Variants in LTBP3 observed in about 807,000 individuals in gnomAD.
LTBP3 encodes the protein latent transforming growth factor beta binding protein 3, also known as latent-transforming growth factor beta-binding protein 3.
LTBP3 carries 97 observed loss-of-function variants against 159.7 expected under a neutral mutation model. The ratio of observed to expected loss-of-function variants is 0.61; its 90% confidence interval spans 0.52 to 0.72. The LOEUF is 0.72. LTBP3 is among the 30% of genes least tolerant of loss of function. The pLI is 0.00. For missense variants in LTBP3, 1,584 were observed against 1,864.3 expected (o/e 0.85, Z 2.77); for synonymous variants, 824 against 777.1 (o/e 1.06, Z -1.00).
In LTBP3 at chr11:65,540,114, C is replaced by T; in HGVS notation, c.3284G>A (p.Gly1095Asp). Residue 1095 changes from glycine to aspartate, a missense_variant, in exon 24 of 28, where the codon GGC (glycine) becomes GAC (aspartate). Transcript: ENST00000301873. ...ECQDPAACRP[G>D]RCVNLPGSYR... ...GGAGCCCGGCAGGTTGACGCAGCGG[C>T]CAGGGCGGCAGGCTGCCGGGTCCTG... The T allele has an allele frequency of 6.5e-7, 1 of 1,526,900 alleles. No individual in the cohort carries two copies. Among genetic ancestry groups the T allele is most frequent in the Non-Finnish European group, 8.8e-7 (1 of 1,140,522 alleles). The allele number at this position is 1,526,900 out of a possible 1,614,324, so 94.6% of individuals were successfully genotyped here.
At position 65,554,198 on chromosome 11, in the gene LTBP3, G is replaced by A; in HGVS notation, c.514C>T (p.Leu172=). Residue 172 remains leucine, a synonymous_variant, in exon 2 of 28, where the codon CTG becomes TTG. Coordinates refer to ENST00000301873, the MANE Select transcript of LTBP3 (RefSeq NM_001130144.3). The surrounding 1 kb of genome is among the most constrained non-coding windows in gnomAD (Gnocchi z 5.3). ...GCCACAGAGTCGCCCTCCGGAGCCA[G>A]GGGCGGCAGCGCCCCTGTGGACAGG... ...GALSTGALPP[L]APEGDSVASK... 6.2e-7 allele frequency: 1 copy of A among 1,611,202 alleles called. No homozygotes were observed. The highest frequency in any genetic ancestry group is 1.3e-5 in the African/African-American group (1 of 74,964).
rs528535387 is a variant in LTBP3, at chr11:65,543,027, G to A, written c.2596+78C>T. 855 of 1,587,766 alleles carry A rather than the reference G, an allele frequency of 5.4e-4. 2 individuals are homozygous for A. The highest frequency in any genetic ancestry group is 4.4e-3 in the Middle Eastern group (24 of 5,504). On this transcript the variant is annotated intron_variant, in intron 18 of 27. Transcript: ENST00000301873. ...TGGTTGGATGGGTGGATGGATGGAT[G>A]GAGAAAGGCCACAGTGTGTCTAGGG...
Position 65,546,422 on chromosome 11 carries a change from G to A in LTBP3, c.2353+20C>T. ...GCGTAGGGGGCGGCGGAGGCCCGGG[G>A]CGGGGGTGCTGGCGCTCACCCAAGC... On this transcript the variant is annotated intron_variant, in intron 16 of 27. Coordinates refer to ENST00000301873, the MANE Select transcript of LTBP3 (RefSeq NM_001130144.3). This position sits in a 1 kb window ranked among gnomAD's most constrained non-coding sequence, Gnocchi z 4.0. The A allele has an allele frequency of 6.5e-7, 1 of 1,531,514 alleles. No homozygotes were observed. The highest frequency in any genetic ancestry group is 1.2e-5 in the South Asian group (1 of 83,084). The allele number at this position is 1,531,514 out of a possible 1,614,324, so 94.9% of individuals were successfully genotyped here. A position where few individuals can be genotyped will look rare whatever the true frequency, so the allele number is the denominator to read the frequency against.
chr11:65,540,751 G>T, intron 21 of LTBP3, 120 bp downstream of exon 21: 2 of 1,059,522 alleles, frequency 1.9e-6, no homozygotes, highest in Non-Finnish European at 2.6e-6. Flanking sequence ...GGGCCTGCGA[G>T]GAAGGTGCGG....
chr11:65,549,593 G>GTTTTTTTTTTTTTTTTTT (rs1565097219), intron 11 of LTBP3, among the ~76,000 whole-genome samples: 1 of 109,890 alleles, frequency 9.1e-6, no homozygotes, highest in African/African-American at 3.6e-5. Flanking sequence ...TTTTTTTTTG[G>GTTTTTTTTTTTTTTTTTT]ATTTTTAGTA....
At position 65,553,532 on chromosome 11, in the gene LTBP3, T is replaced by C; in HGVS notation, c.865-2A>G. 1 of 1,589,570 alleles carries C rather than the reference T, an allele frequency of 6.3e-7. No individual in the cohort carries two copies. The highest frequency in any genetic ancestry group is 8.6e-7 in the Non-Finnish European group (1 of 1,160,718). ...GCCGGGGAGGGGGTTGCTGCCACACTAGGGGAAGGAGGGGGAGGTGGGGTC... is the reference window on the plus strand; with the variant it reads ...GCCGGGGAGGGGGTTGCTGCCACACCAGGGGAAGGAGGGGGAGGTGGGGTC... On this transcript the variant is annotated splice_acceptor_variant, in intron 3 of 27. Transcript: ENST00000301873. LOFTEE classifies it high-confidence loss of function. This position sits in a 1 kb window ranked among gnomAD's most constrained non-coding sequence, Gnocchi z 6.5.
At position 65,547,584 on chromosome 11, in the gene LTBP3, G is replaced by C. The variant is rs772296621; in HGVS notation, c.1979-17C>G. ...CGTTCAGGTCTGTGCGGGAGGAAGGGGCCACGAAGGGGGTGTAGGAGGCGG... is the reference window on the plus strand; with the variant it reads ...CGTTCAGGTCTGTGCGGGAGGAAGGCGCCACGAAGGGGGTGTAGGAGGCGG... On this transcript the variant is annotated splice_polypyrimidine_tract_variant and intron_variant, in intron 13 of 27. Coordinates refer to ENST00000301873, the MANE Select transcript of LTBP3 (RefSeq NM_001130144.3). The surrounding 1 kb of genome is among the most constrained non-coding windows in gnomAD (Gnocchi z 4.6). The C allele has an allele frequency of 1.9e-6, 3 of 1,613,176 alleles. No homozygotes were observed. The highest frequency in any genetic ancestry group is 2.5e-6 in the Non-Finnish European group (3 of 1,179,422).
intron 21 of LTBP3, 118 bp from the exon 22 acceptor site, chr11:65,540,732 T>TACAGGAGGGGCGGGGCCC: frequency 6.6e-7 from 1 of 1,515,000 alleles, no homozygotes; most frequent in Admixed American, 1.7e-5. Flanking sequence ...GGGCGGGGCC[T>TACAGGAGGGGCGGGGCCC]ACAGGGCGGG....
chr11:65,539,518 C>G (rs1471583801), intron 26 of LTBP3, 30 bp downstream of exon 26: 1 of 1,606,262 alleles, frequency 6.2e-7, no homozygotes, highest in Non-Finnish European at 8.5e-7. Flanking sequence ...GGCTACCAAC[C>G]CCGCCACCGC....
At position 65,545,958 on chromosome 11, in the gene LTBP3, TCTC is replaced by T. The variant is rs1029166414; in HGVS notation, c.2353+481_2353+483del. ...ACCCCTGTGCCTGCCATGCTGTTCCTCTCCTCCTTTCTTGCCCAATTCCTAGTG... is the reference window on the plus strand; with the variant it reads ...ACCCCTGTGCCTGCCATGCTGTTCCTCTCCTTTCTTGCCCAATTCCTAGTG... On this transcript the variant is annotated intron_variant, in intron 16 of 27. Transcript: ENST00000301873. Among the ~76,000 whole-genome samples, 9 of 152,124 alleles carry T rather than the reference TCTC, an allele frequency of 5.9e-5. No individual in the cohort carries two copies. The South Asian group carries it at 1.7e-3, about 28-fold the overall frequency.
At chr11:65,555,406 G>A (rs1395135007) in intron 1 of LTBP3, among the ~76,000 whole-genome samples, 2 of 151,798 alleles carry the variant, frequency 1.3e-5, no homozygotes, top group African/African-American at 2.4e-5. Context: ...CCACAACAGG[G>A]CCCCAGGTCC....
Position 65,547,678 on chromosome 11 carries a change from G to C in LTBP3, c.1978+12C>G. The C allele has an allele frequency of 6.2e-7, 1 of 1,605,598 alleles. No homozygotes were observed. The highest frequency in any genetic ancestry group is 8.5e-7 in the Non-Finnish European group (1 of 1,177,676). ...TCCCACCCAGGGCCGCCTCCGCCCT[G>C]GCGGCGCTCACCCACGCACGAGCGC... On this transcript the variant is annotated intron_variant, in intron 13 of 27. Transcript: ENST00000301873. This position sits in a 1 kb window ranked among gnomAD's most constrained non-coding sequence, Gnocchi z 4.6.
Position 65,547,332 on chromosome 11 carries a change from A to G in LTBP3, c.2107+107T>C. The stretch of plus-strand genomic sequence containing the variant: ...GCACTCCAGCCTGGGCGACAGAGTG[A>G]GACTCCGTCTCGGGGGAAAAAAAAA... On this transcript the variant is annotated intron_variant, in intron 14 of 27. Transcript: ENST00000301873. The surrounding 1 kb of genome is among the most constrained non-coding windows in gnomAD (Gnocchi z 4.6). 7.5e-7 allele frequency: 1 copy of G among 1,326,100 alleles called. No homozygotes were observed. Among genetic ancestry groups the G allele is most frequent in the South Asian group, 1.2e-5 (1 of 80,974 alleles). The allele number at this position is 1,326,100 out of a possible 1,614,324, so 82.1% of individuals were successfully genotyped here. A position where few individuals can be genotyped will look rare whatever the true frequency, so the allele number is the denominator to read the frequency against.
At position 65,552,853 on chromosome 11, in the gene LTBP3, G is replaced by T. The variant is rs1289008411; in HGVS notation, c.1186+7C>A. 1 of 1,614,008 alleles carries T rather than the reference G, an allele frequency of 6.2e-7. No homozygotes were observed. Among genetic ancestry groups the T allele is most frequent in the Non-Finnish European group, 8.5e-7 (1 of 1,180,008 alleles). The stretch of plus-strand genomic sequence containing the variant: ...GACCTCCCAGGAACCTGAGCCCCAG[G>T]TCTCACCAATGCACTGTGTACGGGA... On this transcript the variant is annotated splice_region_variant and intron_variant, in intron 6 of 27. Transcript: ENST00000301873. The surrounding 1 kb of genome is among the most constrained non-coding windows in gnomAD (Gnocchi z 6.0).
Position 65,553,880 on chromosome 11 carries a change from T to A in LTBP3, c.685A>T (p.Asn229Tyr). 6.5e-7 allele frequency: 1 copy of A among 1,549,828 alleles called. No homozygotes were observed. Among genetic ancestry groups the A allele is most frequent in the Non-Finnish European group, 8.7e-7 (1 of 1,153,278 alleles). Residue 229 changes from asparagine to tyrosine, a missense_variant, in exon 3 of 28, where the codon AAT becomes TAT. Coordinates refer to ENST00000301873, the MANE Select transcript of LTBP3 (RefSeq NM_001130144.3). This position sits in a 1 kb window ranked among gnomAD's most constrained non-coding sequence, Gnocchi z 6.5. ...AEVQAPPPVV[N>Y]VRVHHPPEAS... ...TCGGGCGGGTGATGGACGCGCACAT[T>A]CACCACGGGGGGCGGGGCCTGCACT...
rs778900036 is a variant in LTBP3 at position 65,546,569 on chromosome 11, G to T, written c.2231-5C>A. ...CCTCGGCGCACTCGTTCACGTCTGC[G>T]GCGGAAAGACCTAGCCTCGGACTCT... On this transcript the variant is annotated splice_region_variant and splice_polypyrimidine_tract_variant and intron_variant, in intron 15 of 27. Transcript: ENST00000301873. This position sits in a 1 kb window ranked among gnomAD's most constrained non-coding sequence, Gnocchi z 4.0. The T allele has an allele frequency of 1.1e-5, 17 of 1,601,872 alleles. No homozygotes were observed. The East Asian group carries it at 3.8e-4, about 36-fold the overall frequency.
chr11:65,555,576 G>A (rs974976776), intron 1 of LTBP3, among the ~76,000 whole-genome samples: 9 of 152,184 alleles, frequency 5.9e-5, no homozygotes, highest in African/African-American at 1.9e-4. Flanking sequence ...TTGTCTGTCT[G>A]CCTCCTTATA....
rs1856045790 is a variant in LTBP3, at chr11:65,540,349, C to T, written c.3140G>A (p.Arg1047Gln). 1.9e-6 allele frequency: 3 copies of T among 1,588,918 alleles called. No homozygotes were observed. Among genetic ancestry groups the T allele is most frequent in the South Asian group, 1.1e-5 (1 of 87,806 alleles). The change falls in exon 23 of 28, where the codon CGG becomes CAG. Residue 1047 changes from arginine to glutamine, a missense_variant. Physicochemically the swap from Arg to Gln is conservative, Grantham distance 43 (BLOSUM62 1). Coordinates refer to ENST00000301873, the MANE Select transcript of LTBP3 (RefSeq NM_001130144.3). ...GCGCGTGTTCTCACACACTCCGTTCCGGCAGTTGGACTCGTCCAGGCACTC... is the reference window on the plus strand; with the variant it reads ...GCGCGTGTTCTCACACACTCCGTTCTGGCAGTTGGACTCGTCCAGGCACTC... Reference protein sequence around the residue: ...VDECLDESNCRNGVCENTRGG... With the variant: ...VDECLDESNCQNGVCENTRGG...
In LTBP3 at chr11:65,551,179, G is replaced by A. The variant is rs989754674; in HGVS notation, c.1667C>T (p.Pro556Leu). The A allele has an allele frequency of 2.6e-6, 4 of 1,552,604 alleles. No individual in the cohort carries two copies. The highest frequency in any genetic ancestry group is 1.4e-5 in the African/African-American group (1 of 73,130). The stretch of plus-strand genomic sequence containing the variant: ...GGCGCTGCGGGAAGGAGGCAAGTCC[G>A]GCAGGAACCAGCGCATGGTCGGGGG... Reference protein sequence around the residue: ...PSPPTMRWFLPDLPPSRSAVE... With the variant: ...PSPPTMRWFLLDLPPSRSAVE... The change falls in exon 11 of 28, where the codon CCG becomes CTG. Residue 556 changes from proline to leucine, a missense_variant. Pro to Leu is a moderately conservative substitution (Grantham distance 98, BLOSUM62 -3). Transcript: ENST00000301873.
Sources: gnomAD v4.1 joint callset for allele counts (sites outside exome capture counted in the v4.1 genomes callset) on GRCh38, gnomAD v4.1.1 for gene constraint, Gnocchi (gnomAD v3.1) non-coding constraint, MANE v1.5 for transcripts, NCBI Gene and HGNC (gene_info 2026-07-23, HGNC 2026-07-21) for gene names.